Variants in CAMTA2 observed in about 807,000 individuals in gnomAD.
CAMTA2 encodes the protein calmodulin-binding transcription activator 2.
CAMTA2 carries 56 observed loss-of-function variants against 135.7 expected under a neutral mutation model. That is an observed-to-expected ratio of 0.41 (90% CI 0.33 to 0.52). The LOEUF is 0.52. CAMTA2 is among the 20% of genes least tolerant of loss of function. CAMTA2 has a pLI of 0.16. For synonymous variants in CAMTA2, 591 were observed against 604.6 expected (o/e 0.98, Z 0.33); for missense variants, 1,358 against 1,553.4 (o/e 0.87, Z 2.11).
rs532830213 is a variant in CAMTA2 at position 4,982,513 on chromosome 17, G to T, written c.339+244C>A. ...GAGGGAAACACAAGAGCAGTGAGGG[G>T]CCTGGGCATCAGTGTTCTGGAAGGG... On this transcript the variant is annotated intron_variant, in intron 5 of 22. Coordinates refer to ENST00000348066, the MANE Select transcript of CAMTA2 (RefSeq NM_015099.4). 8.5e-5 allele frequency among the ~76,000 whole-genome samples: 13 copies of T among 152,362 alleles called. No individual in the cohort carries two copies. The South Asian group carries it at 2.7e-3, about 32-fold the overall frequency.
intron 1 of CAMTA2, chr17:4,987,188 C>A (rs929041265): frequency 7.4e-7 from 1 of 1,343,248 alleles, no homozygotes; most frequent in Non-Finnish European, 9.5e-7. Context: ...GGAGCGGGTC[C>A]TTGGGCTGCA....
rs753494379 is a variant in CAMTA2 at position 4,970,108 on chromosome 17, G to A, written c.3006-23C>T. 3.7e-6 allele frequency: 6 copies of A among 1,607,948 alleles called. No individual in the cohort carries two copies. In the South Asian group the frequency reaches 4.4e-5, roughly 12 times the overall value. On this transcript the variant is annotated intron_variant, in intron 17 of 22. Coordinates refer to ENST00000348066, the MANE Select transcript of CAMTA2 (RefSeq NM_015099.4). ...TCGCTGTAGGCGGTAGGGAAAGAGG[G>A]TGTCATGAAGCATCTGAAGTCCCTC...
chr17:4,977,345 T>C (rs981891065), intron 10 of CAMTA2, 153 bp from the exon 11 acceptor site: 2 of 865,292 alleles, frequency 2.3e-6, no homozygotes, highest in Non-Finnish European at 3.5e-6. Flanking sequence ...TGGCACTAAC[T>C]GGGAAGGGAG....
chr17:4,987,585 G>C lies in CAMTA2; in HGVS notation c.-65+8C>G. ...GCGGAGAGGCGGGCGAGAGGCCCTG[G>C]CTCTTACCTCCCGGGGTCCCGCGGG... On this transcript the variant is annotated splice_region_variant and intron_variant, in intron 1 of 22. Coordinates refer to ENST00000348066, the MANE Select transcript of CAMTA2 (RefSeq NM_015099.4). 1 of 1,525,762 alleles carries C rather than the reference G, an allele frequency of 6.6e-7. No individual in the cohort carries two copies. The highest frequency in any genetic ancestry group is 8.8e-7 in the Non-Finnish European group (1 of 1,142,184). The allele number at this position is 1,525,762 out of a possible 1,614,324, so 94.5% of individuals were successfully genotyped here. A position where few individuals can be genotyped will look rare whatever the true frequency, so the allele number is the denominator to read the frequency against.
intron 16 of CAMTA2, among the ~76,000 whole-genome samples, chr17:4,971,256 TC>T (rs1972266640): frequency 6.6e-6 from 1 of 152,112 alleles, no homozygotes; most frequent in African/African-American, 2.4e-5. Flanking sequence ...TCCACACAAC[TC>T]CCAGCTGCCC....
At position 4,977,202 on chromosome 17, in the gene CAMTA2, G is replaced by A. The variant is rs1461208249; in HGVS notation, c.1766-10C>T. 2 of 1,612,364 alleles carry A rather than the reference G, an allele frequency of 1.2e-6. No individual in the cohort carries two copies. Among genetic ancestry groups the A allele is most frequent in the African/African-American group, 1.3e-5 (1 of 74,894 alleles). On this transcript the variant is annotated splice_polypyrimidine_tract_variant and intron_variant, in intron 10 of 22. Transcript: ENST00000348066. Reference sequence around the variant, plus strand: ...AGCCCTACCTCATGGGCTGGAGAGGGTAGGATCAGCGAGAAGGGCTCTCTT... The same window carrying A: ...AGCCCTACCTCATGGGCTGGAGAGGATAGGATCAGCGAGAAGGGCTCTCTT...
chr17:4,969,114 A>G lies in CAMTA2; in HGVS notation c.3470+36T>C. The G allele has an allele frequency of 6.3e-7, 1 of 1,590,306 alleles. No individual in the cohort carries two copies. ...GAGTAAGGGGGAATGGCGTGGATGC[A>G]GTGGGTGGGCACAGAGGGCTGGGGC... On this transcript the variant is annotated intron_variant, in intron 21 of 22. Coordinates refer to ENST00000348066, the MANE Select transcript of CAMTA2 (RefSeq NM_015099.4). The surrounding 1 kb of genome is among the most constrained non-coding windows in gnomAD (Gnocchi z 5.6).
At position 4,970,332 on chromosome 17, in the gene CAMTA2, C is replaced by A; in HGVS notation, c.3005+8G>T. The A allele has an allele frequency of 1.9e-6, 3 of 1,613,952 alleles. No individual in the cohort carries two copies. The highest frequency in any genetic ancestry group is 2.5e-6 in the Non-Finnish European group (3 of 1,179,772). ...AAGAATCTGGAGGCTTTGTCCTGAGCTAGTCACCTGGGAGGGGTTGAGCTG... is the reference window on the plus strand; with the variant it reads ...AAGAATCTGGAGGCTTTGTCCTGAGATAGTCACCTGGGAGGGGTTGAGCTG... On this transcript the variant is annotated splice_region_variant and intron_variant, in intron 17 of 22. Coordinates refer to ENST00000348066, the MANE Select transcript of CAMTA2 (RefSeq NM_015099.4).
intron 12 of CAMTA2, 94 bp downstream of exon 12, chr17:4,974,291 G>A (rs1157908897): frequency 1.3e-6 from 1 of 783,062 alleles, no homozygotes; most frequent in Non-Finnish European, 2.2e-6. Flanking sequence ...CTGGGGACAG[G>A]AGAGGGAGGA....
At chr17:4,983,076 C>T in intron 3 of CAMTA2, 33 bp from the exon 4 acceptor site, 8 of 1,578,920 alleles carry the variant, frequency 5.1e-6, no homozygotes, top group Non-Finnish European at 6.1e-6. Context: ...CTGGGCATCT[C>T]CTTCACAGAG....
rs760870283 is a variant in CAMTA2 at position 4,981,266 on chromosome 17, G to A, written c.659C>T (p.Pro220Leu). 6.8e-6 allele frequency: 11 copies of A among 1,614,000 alleles called. No individual in the cohort carries two copies. The highest frequency in any genetic ancestry group is 9.3e-6 in the Non-Finnish European group (11 of 1,180,016). Residue 220 changes from proline to leucine, a missense_variant, in exon 8 of 23, where the codon CCT becomes CTT. Around this residue, in one of 4 missense-constraint regions of CAMTA2, gnomAD observed 1,077 missense variants for 1,127.5 expected, o/e 0.96. Transcript: ENST00000348066. ...GAGACAGGCGTGGGTTCGGGGAGCA[G>A]GCTTGGTTGGGTGGGTGTCCAAAAT... ...QQILDTHPTKPAPRTHACLCS... is the reference protein window; with the variant it reads ...QQILDTHPTKLAPRTHACLCS...
At chr17:4,981,611 C>A in intron 7 of CAMTA2, 67 bp downstream of exon 7, 1 of 1,508,976 alleles carries the variant, frequency 6.6e-7, no homozygotes, top group Admixed American at 2.1e-5. Flanking sequence ...GGTCCAGAAC[C>A]ATGGCCCCTC....
Position 4,972,825 on chromosome 17 carries a change from T to G in CAMTA2, c.2447A>C (p.Glu816Ala), listed in dbSNP as rs867453199. The G allele has an allele frequency of 8.1e-6, 13 of 1,613,488 alleles. No individual in the cohort carries two copies. In the African/African-American group the frequency reaches 1.6e-4, roughly 20 times the overall value. ...GGCAAATGGGGGCTCCACCGAAGGC[T>G]CCTGTCTCTGTAGTTCCTCAAGGCA... ...ARCLEELQRQEPSVEPPFALS... is the reference protein window; with the variant it reads ...ARCLEELQRQAPSVEPPFALS... The change falls in exon 15 of 23, where the codon GAG becomes GCG. Residue 816 changes from glutamate (E) to alanine (A), a missense_variant. Transcript: ENST00000348066.
At position 4,979,674 on chromosome 17, in the gene CAMTA2, T is replaced by TGA; in HGVS notation, c.1638+8_1638+9dup. The TGA allele has an allele frequency of 6.3e-7, 1 of 1,591,006 alleles. No homozygotes were observed. The highest frequency in any genetic ancestry group is 8.6e-7 in the Non-Finnish European group (1 of 1,161,416). ...GGAGGGAGGAGGGAGGAGGTAAGCC[T>TGA]GAGTCTCACCTCTGGGTAGGACCAC... is the stretch of plus-strand genomic sequence containing the variant. On this transcript the variant is annotated intron_variant, in intron 9 of 22. Coordinates refer to ENST00000348066, the MANE Select transcript of CAMTA2 (RefSeq NM_015099.4).
At chr17:4,986,875 C>T (rs1313474831) in intron 1 of CAMTA2, 3 of 1,203,190 alleles carry the variant, frequency 2.5e-6, no homozygotes, top group African/African-American at 3.0e-5. Flanking sequence ...GACAACCCAC[C>T]CTCCGGCTGA....
At chr17:4,984,019 C>T (rs572760535) in intron 3 of CAMTA2, among the ~76,000 whole-genome samples, 9 of 152,246 alleles carry the variant, frequency 5.9e-5, no homozygotes, top group East Asian at 5.8e-4. Flanking sequence ...GGCGCCATCT[C>T]GGCTCACTGC....
rs1188076277 is a variant in CAMTA2 at position 4,978,543 on chromosome 17, A to C, written c.1726T>G (p.Ser576Ala). The C allele has an allele frequency of 6.2e-7, 1 of 1,614,110 alleles. No individual in the cohort carries two copies. The highest frequency in any genetic ancestry group is 1.1e-5 in the South Asian group (1 of 91,086). Residue 576 changes from serine to alanine, a missense_variant, in exon 10 of 23, where the codon TCA becomes GCA. By Grantham distance (99) the Ser-to-Ala change is moderately conservative. Coordinates refer to ENST00000348066, the MANE Select transcript of CAMTA2 (RefSeq NM_015099.4). The part of the protein sequence containing the change: ...CVFDHIAVPA[S>A]LVQPGVLRCY... ...CGTAAGACACCAGGCTGGACAAGTGAGGCTGGCACTGCGATGTGATCAAAG... is the reference window on the plus strand; with the variant it reads ...CGTAAGACACCAGGCTGGACAAGTGCGGCTGGCACTGCGATGTGATCAAAG...
chr17:4,969,059 A>G lies in CAMTA2; in HGVS notation c.3471-78T>C. The stretch of plus-strand genomic sequence containing the variant: ...CCCCCCCAGGAACCCTAGGCAGGGA[A>G]TGGCAGTGAGGCATGATGATCAAGA... On this transcript the variant is annotated intron_variant, in intron 21 of 22. Coordinates refer to ENST00000348066, the MANE Select transcript of CAMTA2 (RefSeq NM_015099.4). This position sits in a 1 kb window ranked among gnomAD's most constrained non-coding sequence, Gnocchi z 5.6. The G allele has an allele frequency of 6.3e-7, 1 of 1,581,418 alleles. No homozygotes were observed. The highest frequency in any genetic ancestry group is 8.7e-7 in the Non-Finnish European group (1 of 1,155,120).
Position 4,980,435 on chromosome 17 carries a change from G to A in CAMTA2, c.887C>T (p.Ser296Phe). 1 of 1,613,346 alleles carries A rather than the reference G, an allele frequency of 6.2e-7. No individual in the cohort carries two copies. Residue 296 changes from serine (S) to phenylalanine (F), a missense_variant, in exon 9 of 23, where the codon TCC (serine) becomes TTC (phenylalanine). Physicochemically the swap from Ser to Phe is radical, Grantham distance 155. This residue lies in a region of CAMTA2 where 1,077 missense variants were observed against 1,127.5 expected (regional missense o/e 0.96). Transcript: ENST00000348066. The surrounding 1 kb of genome is among the most constrained non-coding windows in gnomAD (Gnocchi z 5.3). ...GGGCTCTGCAAAACCTGATGAGGAG[G>A]AAGAAGAGGAAGAAGATGGGGAGGT... ...AHTSPSSSSS[S>F]SSSGFAEPLE...
Sources: gnomAD v4.1 joint callset for allele counts (sites outside exome capture counted in the v4.1 genomes callset) on GRCh38, gnomAD v4.1.1 for gene constraint, gnomAD v4.1.1 regional missense constraint, Gnocchi (gnomAD v3.1) non-coding constraint, MANE v1.5 for transcripts, NCBI Gene and HGNC (gene_info 2026-07-23, HGNC 2026-07-21) for gene names.